The following MXRA7 variants were observed in gnomAD, a reference collection of about 807,000 sequenced individuals.
The protein encoded by MXRA7 is matrix-remodeling-associated protein 7.
A neutral mutation model predicts 17.4 loss-of-function variants in MXRA7; 18 were observed. That is an observed-to-expected ratio of 1.03 (90% CI 0.71 to 1.53). The LOEUF (loss-of-function observed/expected upper bound fraction) is 1.53, where lower values mean the gene tolerates loss of function less well. MXRA7 is among the 40% of genes most tolerant of loss of function. The pLI, the probability that MXRA7 is intolerant of heterozygous loss-of-function variation, is 0.00. For missense variants in MXRA7, 141 were observed against 209.3 expected (o/e 0.67, Z 2.01); for synonymous variants, 70 against 101.7 (o/e 0.69, Z 1.87).
chr17:76,687,928 G>A (rs1009323992), intron 2 of MXRA7, among the ~76,000 whole-genome samples, 185 bp downstream of exon 2: 1 of 152,094 alleles, frequency 6.6e-6, no homozygotes, highest in Non-Finnish European at 1.5e-5. Context: ...GGTGAGGGAG[G>A]GCTACAGGCA....
downstream of MXRA7, chr17:76,675,231 G>T (rs1439123870): frequency 1.3e-5 from 2 of 152,100 alleles, no homozygotes; most frequent in African/African-American, 4.8e-5. Context: ...GAAAGGAGAG[G>T]GAGAAGAAAG....
chr17:76,677,426 A>C (rs1190585787), downstream of MXRA7: 1 of 588,848 alleles, frequency 1.7e-6, no homozygotes, highest in Non-Finnish European at 3.0e-6. Flanking sequence ...CCTGCAAAGT[A>C]ATATACACAC....
downstream of MXRA7, chr17:76,677,832 GAAGA>G (rs1372965012): frequency 1.7e-5 from 11 of 643,162 alleles, no homozygotes; most frequent in Non-Finnish European, 2.8e-5. Context: ...TTCAGAACAA[GAAGA>G]AAATGAAAAT....
intron 1 of MXRA7, among the ~76,000 whole-genome samples, chr17:76,695,693 A>G (rs758537252): frequency 6.6e-6 from 1 of 152,214 alleles, no homozygotes; most frequent in South Asian, 2.1e-4. Context: ...GCATCTGGGC[A>G]GAGTGCACAG....
chr17:76,697,318 C>G (rs960884891), intron 1 of MXRA7, among the ~76,000 whole-genome samples: 1 of 152,144 alleles, frequency 6.6e-6, no homozygotes, highest in Non-Finnish European at 1.5e-5. Flanking sequence ...TAGGAGGACC[C>G]GAACCTGCGG....
chr17:76,673,563 C>T (rs917269152), exon 4 of MXRA7: 1 of 152,256 alleles, frequency 6.6e-6, no homozygotes, highest in African/African-American at 2.4e-5. Context: ...CTTCCAGGCC[C>T]AGAGAGCTGC....
intron 3 of MXRA7, among the ~76,000 whole-genome samples, chr17:76,683,510 G>A (rs1438119574): frequency 6.6e-6 from 1 of 152,162 alleles, no homozygotes; most frequent in Non-Finnish European, 1.5e-5. Flanking sequence ...AAGGCTGCAG[G>A]GTGACGACAT....
downstream of MXRA7, chr17:76,679,462 A>T: frequency 3.4e-6 from 1 of 293,740 alleles, no homozygotes; most frequent in Non-Finnish European, 5.1e-6. Flanking sequence ...ATGGCTTTGT[A>T]CTCTGCTGCA....
At chr17:76,700,581 G>A (rs752766351) in intron 1 of MXRA7, among the ~76,000 whole-genome samples, 2 of 152,240 alleles carry the variant, frequency 1.3e-5, no homozygotes, top group Non-Finnish European at 2.9e-5. Context: ...CCTCTAGGCA[G>A]GAGCCCACAG....
downstream of MXRA7, chr17:76,677,453 G>T: frequency 1.6e-6 from 1 of 625,910 alleles, no homozygotes. Context: ...AACTCGGCAA[G>T]TACCTATAGA....
chr17:76,709,255 G>A (rs1038673977), intron 1 of MXRA7, among the ~76,000 whole-genome samples: 1 of 152,124 alleles, frequency 6.6e-6, no homozygotes, highest in African/African-American at 2.4e-5. Flanking sequence ...CTGCTCCCGC[G>A]AGACCTCGAT....
chr17:76,675,209 A>G (rs1344636593), downstream of MXRA7: 1 of 152,116 alleles, frequency 6.6e-6, no homozygotes, highest in Non-Finnish European at 1.5e-5. Context: ...CCTGTTTGGT[A>G]TAATCAGAAA....
chr17:76,687,430 T>C (rs1309526785), intron 2 of MXRA7, among the ~76,000 whole-genome samples: 1 of 152,222 alleles, frequency 6.6e-6, no homozygotes, highest in Non-Finnish European at 1.5e-5. Flanking sequence ...CATACAAAAA[T>C]GCAGAAAGCA....
intron 1 of MXRA7, among the ~76,000 whole-genome samples, chr17:76,693,014 A>C (rs2076493490): frequency 7.4e-6 from 1 of 134,622 alleles, no homozygotes; most frequent in African/African-American, 2.6e-5. Context: ...GGAGAATTAA[A>C]ATGAAAAAAT....
At chr17:76,677,639 G>A (rs146981546), downstream of MXRA7, 10 of 1,613,642 alleles carry the variant, frequency 6.2e-6, no homozygotes, top group Admixed American at 6.7e-5. Flanking sequence ...CGGACATCTC[G>A]CCAAACGTCT....
intron 1 of MXRA7, among the ~76,000 whole-genome samples, chr17:76,702,340 T>G (rs1034637950): frequency 7.0e-4 from 106 of 152,158 alleles, no homozygotes; most frequent in African/African-American, 2.5e-3. Flanking sequence ...AGACACCATC[T>G]CTACAAAAAG....
At chr17:76,685,940 G>C (rs1053537004) in intron 2 of MXRA7, among the ~76,000 whole-genome samples, 1 of 152,190 alleles carries the variant, frequency 6.6e-6, no homozygotes, top group African/African-American at 2.4e-5. Flanking sequence ...GGGCAGAGCT[G>C]GCTGGCCTCT....
At chr17:76,695,657 C>T (rs949412797) in intron 1 of MXRA7, among the ~76,000 whole-genome samples, 6 of 152,144 alleles carry the variant, frequency 3.9e-5, no homozygotes, top group African/African-American at 1.4e-4. Flanking sequence ...CCGAGATGGG[C>T]TTGCCAGGCA....
At chr17:76,675,441 A>G (rs1403488702), downstream of MXRA7, 4 of 124,494 alleles carry the variant, frequency 3.2e-5, no homozygotes, top group Non-Finnish European at 6.3e-5. Flanking sequence ...TCTGTCACCC[A>G]GGCTAGAGTG....
Sources: allele counts gnomAD v4.1 joint callset (sites outside exome capture counted in the v4.1 genomes callset), GRCh38; gene constraint gnomAD v4.1.1; transcripts MANE v1.5; gene names NCBI Gene and HGNC (gene_info 2026-07-23, HGNC 2026-07-21).